PLCB2: variants seen among roughly 807,000 people sequenced by gnomAD.
PLCB2 encodes phospholipase C beta 2.
In PLCB2, 115 loss-of-function variants were observed where a neutral mutation model predicts 141.7. That is an observed-to-expected ratio of 0.81 (90% CI 0.70 to 0.95). The LOEUF is 0.95. Ranked by LOEUF, PLCB2 falls within the 40% of genes least tolerant of loss-of-function variation. PLCB2 has a pLI of 0.00. For missense variants in PLCB2, 1,403 were observed against 1,541.1 expected, an observed-to-expected ratio of 0.91 and a Z score of 1.50; for synonymous variants, 603 against 595.6, an observed-to-expected ratio of 1.01 and a Z score of -0.18.
At position 40,291,844 on chromosome 15, in the gene PLCB2, C is replaced by A; in HGVS notation, c.2602+5G>T. The A allele has an allele frequency of 6.2e-7, 1 of 1,614,136 alleles. No homozygotes were observed. The highest frequency in any genetic ancestry group is 1.1e-5 in the South Asian group (1 of 91,074). On this transcript the variant is annotated splice_donor_5th_base_variant and intron_variant, in intron 24 of 31. Transcript: ENST00000260402. The stretch of plus-strand genomic sequence containing the variant: ...CCCAGTAGGTGTGCGGACCGAAGCT[C>A]ATACCTGGTGACCCATTGCTCGTTG...
Position 40,291,886 on chromosome 15 carries a change from G to A in PLCB2, c.2565C>T (p.Val855=), listed in dbSNP as rs769618479. ...TGCTCGTTGGGGCCAACGCCCCATT[G>A]ACCTGGCTGGCAACTGGACTCGCCA... ...FPLASPVASQ[V]NGALAPTSNG... is the part of the protein sequence containing the mutation. The change falls in exon 24 of 32, where the codon GTC becomes GTT. Residue 855 remains valine (V), a synonymous_variant. Coordinates refer to ENST00000260402, the MANE Select transcript of PLCB2 (RefSeq NM_004573.3). 1.9e-6 allele frequency: 3 copies of A among 1,614,190 alleles called. No individual in the cohort carries two copies. The highest frequency in any genetic ancestry group is 1.7e-6 in the Non-Finnish European group (2 of 1,180,016).
In PLCB2 at chr15:40,291,457, C is replaced by A; in HGVS notation, c.2678G>T (p.Arg893Leu). ...CAGCTTCACCACGCCCTTTAGCTCC[C>A]GGAGCTCCTCCAGGCTGGCGGTCCG... ...EPRTASLEEL[R>L]ELKGVVKLQR... The change falls in exon 26 of 32, where the codon CGG becomes CTG. Residue 893 changes from arginine to leucine, a missense_variant. By Grantham distance (102) the Arg-to-Leu change is moderately radical. Around this residue, in one of 4 missense-constraint regions of PLCB2, gnomAD observed 290 missense variants for 245.9 expected, o/e 1.18. Coordinates refer to ENST00000260402, the MANE Select transcript of PLCB2 (RefSeq NM_004573.3). The A allele has an allele frequency of 6.4e-7, 1 of 1,561,646 alleles. No homozygotes were observed. The highest frequency in any genetic ancestry group is 2.4e-5 in the East Asian group (1 of 42,206).
Position 40,291,086 on chromosome 15 carries a change from C to A in PLCB2, c.2968G>T (p.Glu990Ter). 6.3e-7 allele frequency: 1 copy of A among 1,589,206 alleles called. No individual in the cohort carries two copies. The highest frequency in any genetic ancestry group is 1.1e-5 in the South Asian group (1 of 89,274). The change falls in exon 27 of 32, where the codon GAG (glutamate) becomes TAG (stop). Residue 990 changes from glutamate (E) to a stop codon, truncating the protein, a stop_gained. Transcript: ENST00000260402. LOFTEE classifies it high-confidence loss of function. ...VRELKDRLEL[E>*]LLRQGEEQYE... is the part of the protein sequence containing the mutation. ...TGCTCCTCGCCCTGCCGCAGCAGCT[C>A]CAGCTCCAGCCTGTCTTTCAGCTCC...
intron 3 of PLCB2, 65 bp downstream of exon 3, chr15:40,303,223 C>A: frequency 8.4e-7 from 1 of 1,193,644 alleles, no homozygotes; most frequent in South Asian, 1.2e-5. Flanking sequence ...GCACAGGGAC[C>A]CCTGCCCTTG....
downstream of PLCB2, among the ~76,000 whole-genome samples, chr15:40,287,373 AAAC>A (rs2072519311): frequency 6.6e-6 from 1 of 152,134 alleles, no homozygotes; most frequent in African/African-American, 2.4e-5. Context: ...TCTAATAAGA[AAAC>A]AACCTCTTCC....
At chr15:40,305,019 A>G (rs1306706056) in intron 1 of PLCB2, among the ~76,000 whole-genome samples, 1 of 152,200 alleles carries the variant, frequency 6.6e-6, no homozygotes, top group East Asian at 1.9e-4. Context: ...GTTAGAGTAC[A>G]GGGAAAAGGG....
At chr15:40,299,387 G>T (rs2040400226) in intron 7 of PLCB2, 159 bp from the exon 8 acceptor site, 1 of 588,034 alleles carries the variant, frequency 1.7e-6, no homozygotes, top group African/African-American at 1.9e-5. Flanking sequence ...TCAAGGCCCT[G>T]GTTGCTGAGC....
chr15:40,288,740 G>C lies in PLCB2; in HGVS notation c.3533C>G (p.Ala1178Gly), dbSNP rs1384444254. 1 of 1,600,680 alleles carries C rather than the reference G, an allele frequency of 6.2e-7. No homozygotes were observed. The highest frequency in any genetic ancestry group is 2.2e-5 in the East Asian group (1 of 44,502). The part of the protein sequence containing the change: ...LCEQDPLIAK[A>G]DAQESRL ...TCAGAGGCGGCTCTCCTGGGCATCTGCCTTTGCTATGAGTGGGTCCTGCTC... is the reference window on the plus strand; with the variant it reads ...TCAGAGGCGGCTCTCCTGGGCATCTCCCTTTGCTATGAGTGGGTCCTGCTC... Residue 1178 changes from alanine (A) to glycine (G), a missense_variant, in exon 32 of 32, where the codon GCA becomes GGA. By Grantham distance (60) the Ala-to-Gly change is moderately conservative. This residue lies in a region of PLCB2 where 132 missense variants were observed against 132.4 expected (regional missense o/e 1.00). Transcript: ENST00000260402.
downstream of PLCB2, chr15:40,284,506 G>C (rs1360940454): frequency 2.2e-6 from 1 of 455,768 alleles, no homozygotes; most frequent in Non-Finnish European, 4.4e-6. Flanking sequence ...TTTAAAGATA[G>C]GCCTTCAAGG....
intron 30 of PLCB2, 73 bp downstream of exon 30, chr15:40,289,951 GA>G (rs2039780643): frequency 3.5e-5 from 15 of 430,974 alleles, no homozygotes; most frequent in Admixed American, 6.2e-5. Flanking sequence ...GAGAGAGAGA[GA>G]GAGAGAGAGA....
chr15:40,296,478 C>G (rs371635603), intron 15 of PLCB2, 44 bp downstream of exon 15: 1 of 1,613,574 alleles, frequency 6.2e-7, no homozygotes, highest in Non-Finnish European at 8.5e-7. Flanking sequence ...GGGGGCTTAA[C>G]GGTGGAGGAT....
chr15:40,291,692 C>A (rs770354757), intron 24 of PLCB2, 42 bp from the exon 25 acceptor site: 2 of 1,608,788 alleles, frequency 1.2e-6, no homozygotes, highest in South Asian at 1.1e-5. Flanking sequence ...CTCTGGGGGG[C>A]CCCTTGGCTC....
At chr15:40,294,457 C>T in intron 18 of PLCB2, 37 bp from the exon 19 acceptor site, 1 of 1,610,590 alleles carries the variant, frequency 6.2e-7, no homozygotes, top group Non-Finnish European at 8.5e-7. Context: ...GAAGGCCCAG[C>T]CCTGGGGCTG....
chr15:40,307,594 C>T lies in PLCB2; in HGVS notation c.79G>A (p.Asp27Asn). ...LSQGERFIKW[D>N]DETTVASPVI... ...GAGGCCCCTGCCCCACTTACATCAT[C>T]CCATTTGATGAAGCGCTCCCCTTGG... The change falls in exon 1 of 32, where the codon GAT becomes AAT. Residue 27 changes from aspartate to asparagine, a missense_variant. Around this residue, in one of 4 missense-constraint regions of PLCB2, gnomAD observed 975 missense variants for 1,141.1 expected, o/e 0.85. Transcript: ENST00000260402. 6.3e-7 allele frequency: 1 copy of T among 1,585,338 alleles called. No homozygotes were observed. The highest frequency in any genetic ancestry group is 8.6e-7 in the Non-Finnish European group (1 of 1,162,910).
intron 16 of PLCB2, 110 bp downstream of exon 16, chr15:40,296,186 G>T: frequency 1.3e-6 from 1 of 783,164 alleles, no homozygotes. Context: ...ACTTAAGCAA[G>T]CCCTTTGCCT....
chr15:40,287,770 C>A (rs749749246), downstream of PLCB2: 155 of 198,984 alleles, frequency 7.8e-4, no homozygotes, highest in Non-Finnish European at 1.3e-3. Context: ...GGCCATTTCA[C>A]TGGACTCTGG....
rs1195256633 is a variant in PLCB2 at position 40,292,418 on chromosome 15, A to G, written c.2352T>C (p.Ser784=). 2 of 1,613,464 alleles carry G rather than the reference A, an allele frequency of 1.2e-6. No homozygotes were observed. The highest frequency in any genetic ancestry group is 1.3e-5 in the African/African-American group (1 of 74,876). The change falls in exon 22 of 32, where the codon AGT becomes AGC. Residue 784 remains serine, a synonymous_variant. Coordinates refer to ENST00000260402, the MANE Select transcript of PLCB2 (RefSeq NM_004573.3). Reference sequence around the variant, plus strand: ...GCATGGTGAGGGGCATGTTGCTCTCACTGTGCAGGCACAGGTGGTGGTACC... The same window carrying G: ...GCATGGTGAGGGGCATGTTGCTCTCGCTGTGCAGGCACAGGTGGTGGTACC... The part of the protein sequence containing the change: ...NSGYHHLCLH[S]ESNMPLTMPA...
intron 7 of PLCB2, chr15:40,301,624 G>A (rs1057434826): frequency 7.1e-6 from 5 of 702,882 alleles, no homozygotes; most frequent in East Asian, 2.7e-5. Flanking sequence ...AAACATTCAC[G>A]CTCAGCTCCC....
At chr15:40,298,071 G>A (rs528631830) in intron 11 of PLCB2, 112 bp from the exon 12 acceptor site, 13 of 1,141,924 alleles carry the variant, frequency 1.1e-5, no homozygotes, top group African/African-American at 4.6e-5. Context: ...CTGCATGGCC[G>A]CCATTGGCCC....
Sources: allele counts gnomAD v4.1 joint callset (sites outside exome capture counted in the v4.1 genomes callset), GRCh38; gene constraint gnomAD v4.1.1; regional missense constraint gnomAD v4.1.1; transcripts MANE v1.5; gene names NCBI Gene and HGNC (gene_info 2026-07-23, HGNC 2026-07-21).